The following FBXO34 variants were observed in gnomAD, a reference collection of about 807,000 sequenced individuals.
FBXO34 encodes F-box protein 34, also known as F-box only protein 34.
A neutral mutation model predicts 24.5 loss-of-function variants in FBXO34; 12 were observed. That is an observed-to-expected ratio of 0.49 (90% confidence interval 0.31 to 0.79). The LOEUF is 0.79. Ranked by LOEUF, FBXO34 falls within the 30% of genes least tolerant of loss-of-function variation. The pLI is 0.04. For synonymous variants in FBXO34, 320 were observed against 311.9 expected (o/e 1.03, Z -0.27); for missense variants, 823 against 857.7 (o/e 0.96, Z 0.51).
At chr14:55,414,820 C>T in the FBXO34 span, among the ~76,000 whole-genome samples, 1 of 152,200 alleles carries the variant, frequency 6.6e-6, no homozygotes, top group Non-Finnish European at 1.5e-5. Context: ...TCCACGTCCT[C>T]TCTAGTTAAC....
chr14:55,375,919 T>C, the FBXO34 span, among the ~76,000 whole-genome samples: 1 of 152,256 alleles, frequency 6.6e-6, no homozygotes, highest in Non-Finnish European at 1.5e-5. Context: ...AGGTTTATGA[T>C]AGATATCCAC....
the FBXO34 span, among the ~76,000 whole-genome samples, chr14:55,421,132 A>G: frequency 1.3e-5 from 2 of 152,016 alleles, no homozygotes; most frequent in Admixed American, 1.3e-4. Flanking sequence ...AGGGCATTTA[A>G]AGAAATCTAT....
rs190056829 is a variant in FBXO34, at chr14:55,343,181, T to C, written c.-10-7200T>C. Among the ~76,000 whole-genome samples the C allele has an allele frequency of 2.4e-4, 37 of 152,194 alleles. No individual in the cohort carries two copies. In the East Asian group the frequency reaches 6.6e-3, roughly 27 times the overall value. On this transcript the variant is annotated intron_variant, in intron 1 of 1. Coordinates refer to ENST00000313833, the MANE Select transcript of FBXO34 (RefSeq NM_017943.4). The stretch of plus-strand genomic sequence containing the variant: ...TTTCTTACTGTATACTTTTTTCCTC[T>C]CTAAAGGTATTATATAATGAGAAGG...
intron 1 of FBXO34, among the ~76,000 whole-genome samples, chr14:55,302,311 T>A (rs996327612): frequency 2.0e-5 from 3 of 152,202 alleles, no homozygotes; most frequent in Non-Finnish European, 4.4e-5. Flanking sequence ...GGTAGATAGG[T>A]AGATTTGGAC....
At chr14:55,338,544 T>A (rs552193041) in intron 1 of FBXO34, among the ~76,000 whole-genome samples, 1 of 152,282 alleles carries the variant, frequency 6.6e-6, no homozygotes, top group East Asian at 1.9e-4. Flanking sequence ...TATTCTAGAA[T>A]AAAAACAAGT....
chr14:55,406,049 G>GT, the FBXO34 span, among the ~76,000 whole-genome samples: 1 of 152,110 alleles, frequency 6.6e-6, no homozygotes, highest in African/African-American at 2.4e-5. Flanking sequence ...ATGAGTTTAG[G>GT]TATTTCTCAA....
chr14:55,370,075 A>G (rs1224155846), downstream of FBXO34: 2 of 630,232 alleles, frequency 3.2e-6, no homozygotes, highest in East Asian at 2.9e-5. Flanking sequence ...CCGTGTTGAC[A>G]TATGATTGCG....
intron 1 of FBXO34, among the ~76,000 whole-genome samples, chr14:55,344,129 A>G (rs189788374): frequency 6.6e-6 from 1 of 152,318 alleles, no homozygotes; most frequent in Non-Finnish European, 1.5e-5. Context: ...ACTGTCCTTC[A>G]TAGCCAAGCT....
At chr14:55,401,879 T>C in the FBXO34 span, among the ~76,000 whole-genome samples, 12 of 152,164 alleles carry the variant, frequency 7.9e-5, no homozygotes, top group Admixed American at 5.2e-4. Context: ...AGGAAGGGTA[T>C]GGAGGCAGAG....
intron 1 of FBXO34, among the ~76,000 whole-genome samples, chr14:55,289,860 A>T (rs8010848): frequency 0.77 from 115,523 of 150,758 alleles, 44,973 homozygotes; most frequent in African/African-American, 0.93. Flanking sequence ...GTCTACCTTT[A>T]AAAAAAAAAA....
In FBXO34 at chr14:55,352,802, C is replaced by T. The variant is rs1884439106; in HGVS notation, c.*276C>T. On this transcript the variant is annotated 3_prime_UTR_variant, in exon 2 of 2. Coordinates refer to ENST00000313833, the MANE Select transcript of FBXO34 (RefSeq NM_017943.4). Reference sequence around the variant, plus strand: ...TAACTGCCTGTTTTCCTAAATCAAACCCATCCTCAAAGGATGAAGACTCAC... The same window carrying T: ...TAACTGCCTGTTTTCCTAAATCAAATCCATCCTCAAAGGATGAAGACTCAC... 1 of 364,932 alleles carries T rather than the reference C, an allele frequency of 2.7e-6. No homozygotes were observed. 22.6% of individuals were successfully genotyped at this position (364,932 alleles called of 1,614,324 possible).
chr14:55,364,887 C>T (rs1195693627), downstream of FBXO34, among the ~76,000 whole-genome samples: 2 of 151,796 alleles, frequency 1.3e-5, no homozygotes, highest in South Asian at 2.1e-4. Context: ...CAGATGCACA[C>T]GACCATGCCT....
At chr14:55,441,607 AAC>A in the FBXO34 span, among the ~76,000 whole-genome samples, 1 of 152,178 alleles carries the variant, frequency 6.6e-6, no homozygotes, top group Non-Finnish European at 1.5e-5. Flanking sequence ...CCACATACAA[AAC>A]AGTGTGTTGC....
the FBXO34 span, among the ~76,000 whole-genome samples, chr14:55,409,537 G>C: frequency 6.6e-6 from 1 of 151,004 alleles, no homozygotes; most frequent in African/African-American, 2.4e-5. Context: ...GGATCAGAAA[G>C]AGTCTAACGT....
intron 1 of FBXO34, chr14:55,282,567 G>A: frequency 5.0e-6 from 1 of 200,000 alleles, no homozygotes; most frequent in Non-Finnish European, 1.1e-5. Context: ...TCTATTGCCA[G>A]GGGCTTGGGA....
rs548167353 is a variant in FBXO34, at chr14:55,345,318, C to T, written c.-10-5063C>T. Among the ~76,000 whole-genome samples the T allele has an allele frequency of 2.0e-5, 3 of 152,260 alleles. No individual in the cohort carries two copies. The East Asian group carries it at 5.8e-4, about 29-fold the overall frequency. On this transcript the variant is annotated intron_variant, in intron 1 of 1. Transcript: ENST00000313833. The stretch of plus-strand genomic sequence containing the variant: ...AACCTTCTTGTTATTCCTGTGAACC[C>T]ATTTACTTGTCATCTCTCTACTCTT...
At chr14:55,280,299 A>G (rs1881488277) in intron 1 of FBXO34, among the ~76,000 whole-genome samples, 1 of 152,166 alleles carries the variant, frequency 6.6e-6, no homozygotes, top group Non-Finnish European at 1.5e-5. Context: ...CTGTGGGTTT[A>G]TCATCCATGG....
chr14:55,380,632 C>T, the FBXO34 span: 1 of 1,613,226 alleles, frequency 6.2e-7, no homozygotes, highest in Admixed American at 1.7e-5. Flanking sequence ...TGTTGACCAG[C>T]TGAGTTGCAT....
intron 1 of FBXO34, among the ~76,000 whole-genome samples, chr14:55,345,232 A>G (rs1040556615): frequency 2.0e-5 from 3 of 152,184 alleles, no homozygotes; most frequent in African/African-American, 2.4e-5. Flanking sequence ...TGCTGAAGCC[A>G]TAGATGAGGA....
Sources: gnomAD v4.1 joint callset for allele counts (sites outside exome capture counted in the v4.1 genomes callset) on GRCh38, gnomAD v4.1.1 for gene constraint, MANE v1.5 for transcripts, NCBI Gene and HGNC (gene_info 2026-07-23, HGNC 2026-07-21) for gene names.